Variants in UNC13C observed in about 807,000 individuals in gnomAD.
UNC13C encodes the protein protein unc-13 homolog C.
UNC13C carries 174 observed loss-of-function variants against 245.4 expected under a neutral mutation model. The observed-to-expected ratio is 0.71, with a 90% CI of 0.63 to 0.80. The LOEUF is 0.80. Among genes scored for constraint, UNC13C ranks in the 30% least tolerant of loss-of-function variants. The pLI is 0.00. For synonymous variants in UNC13C, 992 were observed against 895.1 expected (o/e 1.11, Z -1.93); for missense variants, 2,829 against 2,602.9 (o/e 1.09, Z -1.89).
intron 19 of UNC13C, among the ~76,000 whole-genome samples, chr15:54,418,955 C>T (rs779956423): frequency 6.6e-5 from 10 of 152,084 alleles, no homozygotes; most frequent in Admixed American, 4.6e-4. Context: ...CCTTCCAACC[C>T]GCACACTCCC....
chr15:54,376,499 A>T (rs2039610094), intron 17 of UNC13C, among the ~76,000 whole-genome samples: 1 of 152,216 alleles, frequency 6.6e-6, no homozygotes, highest in Non-Finnish European at 1.5e-5. Flanking sequence ...ATTTAAACTC[A>T]AATATGAGTA....
At chr15:53,933,638 A>G in the UNC13C span, among the ~76,000 whole-genome samples, 1 of 152,124 alleles carries the variant, frequency 6.6e-6, no homozygotes, top group South Asian at 2.1e-4. Context: ...GCATGCTGTA[A>G]TTTAGTCATT....
chr15:54,332,807 T>C (rs897608440), intron 15 of UNC13C, among the ~76,000 whole-genome samples: 1 of 152,070 alleles, frequency 6.6e-6, no homozygotes, highest in African/African-American at 2.4e-5. Flanking sequence ...ATCCTAAACA[T>C]CTTTTCTTAT....
At chr15:53,953,597 G>A in the UNC13C span, among the ~76,000 whole-genome samples, 2 of 152,238 alleles carry the variant, frequency 1.3e-5, no homozygotes. Flanking sequence ...ATTGGGGGCA[G>A]TTGCTTTGTG....
At position 54,499,389 on chromosome 15, in the gene UNC13C, G is replaced by A. The variant is rs150986282; in HGVS notation, c.5061-690G>A. 5.5e-4 allele frequency among the ~76,000 whole-genome samples: 83 copies of A among 152,216 alleles called. No individual in the cohort carries two copies. In the East Asian group the frequency reaches 0.01, roughly 19 times the overall value. ...AACATTGAGGACTACAGTTTGACAT[G>A]AGTTTTGGTGGGGACACAGATCCAA... On this transcript the variant is annotated intron_variant, in intron 20 of 32. Transcript: ENST00000260323.
rs1272116364 is a variant in UNC13C, at chr15:54,507,131, G to T, written c.5316G>T (p.Val1772=). 6.3e-7 allele frequency: 1 copy of T among 1,597,486 alleles called. No homozygotes were observed. The highest frequency in any genetic ancestry group is 2.2e-5 in the East Asian group (1 of 44,490). Residue 1772 remains valine (V), a synonymous_variant, in exon 23 of 33, where the codon GTG becomes GTT. Coordinates refer to ENST00000260323, the MANE Select transcript of UNC13C (RefSeq NM_001080534.3). ...TTCTTTCTTAGACTATCAATAAAGT[G>T]CTGCTCCAGTATGCTGCAATTGTAT... ...MRRFAKTINK[V]LLQYAAIVSS...
chr15:53,905,411 C>CACACACACACAA, the UNC13C span, among the ~76,000 whole-genome samples: 1 of 151,068 alleles, frequency 6.6e-6, no homozygotes, highest in Non-Finnish European at 1.5e-5. Context: ...CACACACACA[C>CACACACACACAA]ACACACACAC....
At chr15:54,224,555 G>C (rs2035320616) in intron 4 of UNC13C, among the ~76,000 whole-genome samples, 1 of 152,020 alleles carries the variant, frequency 6.6e-6, no homozygotes, top group Admixed American at 6.6e-5. Flanking sequence ...AAGGATATTT[G>C]CATCAAATTA....
chr15:54,114,618 A>AT (rs1013124836), intron 2 of UNC13C, among the ~76,000 whole-genome samples: 4 of 151,618 alleles, frequency 2.6e-5, no homozygotes, highest in African/African-American at 7.3e-5. Context: ...ACCACATCAT[A>AT]TTTTTTTTTG....
chr15:54,141,951 C>T (rs1271175142), intron 2 of UNC13C, among the ~76,000 whole-genome samples: 1 of 152,056 alleles, frequency 6.6e-6, no homozygotes, highest in Non-Finnish European at 1.5e-5. Flanking sequence ...GCTACATGAC[C>T]TTGGACAAAT....
At chr15:54,140,436 T>C (rs1214167174) in intron 2 of UNC13C, among the ~76,000 whole-genome samples, 1 of 152,090 alleles carries the variant, frequency 6.6e-6, no homozygotes, top group Non-Finnish European at 1.5e-5. Context: ...CAGACTACCA[T>C]CAAGGAGCTC....
chr15:54,556,797 A>C (rs1897110143), intron 29 of UNC13C, among the ~76,000 whole-genome samples: 1 of 152,020 alleles, frequency 6.6e-6, no homozygotes, highest in South Asian at 2.1e-4. Flanking sequence ...AAAAGAAAAA[A>C]ATTTGGCATC....
the UNC13C span, among the ~76,000 whole-genome samples, chr15:53,961,259 C>T: frequency 1.3e-5 from 2 of 152,252 alleles, no homozygotes; most frequent in South Asian, 4.1e-4. Flanking sequence ...GACCATGAAG[C>T]CCCTGAGCCT....
the UNC13C span, among the ~76,000 whole-genome samples, chr15:53,860,350 G>A: frequency 3.6e-4 from 55 of 152,226 alleles, no homozygotes; most frequent in African/African-American, 1.3e-3. Context: ...ATATTTTGAG[G>A]ATCCTCAGGG....
chr15:54,014,943 A>G lies in UNC13C; in HGVS notation c.2040A>G (p.Thr680=), dbSNP rs185653316. 1 of 1,613,890 alleles carries G rather than the reference A, an allele frequency of 6.2e-7. No individual in the cohort carries two copies. The highest frequency in any genetic ancestry group is 2.2e-5 in the East Asian group (1 of 44,882). ...CCCAGGAAGGTTTTGATTATGAAAC[A>G]AACAGTCTTTTTGACCAACAGCTTG... ...SSTQEGFDYE[T]NSLFDQQLDV... is the part of the protein sequence containing the mutation. The change falls in exon 2 of 33, where the codon ACA becomes ACG. Residue 680 remains threonine (T), a synonymous_variant. Coordinates refer to ENST00000260323, the MANE Select transcript of UNC13C (RefSeq NM_001080534.3).
intron 18 of UNC13C, among the ~76,000 whole-genome samples, chr15:54,407,088 A>G (rs1379376822): frequency 6.6e-6 from 1 of 152,224 alleles, no homozygotes; most frequent in African/African-American, 2.4e-5. Context: ...TGAAACTATT[A>G]TATGCTAATA....
At chr15:54,283,964 C>T (rs1036240131) in intron 10 of UNC13C, among the ~76,000 whole-genome samples, 3 of 152,130 alleles carry the variant, frequency 2.0e-5, no homozygotes, top group African/African-American at 4.8e-5. Flanking sequence ...GTAACTAATA[C>T]TGTGAATCAC....
At chr15:53,941,517 T>C in the UNC13C span, among the ~76,000 whole-genome samples, 20 of 152,216 alleles carry the variant, frequency 1.3e-4, no homozygotes, top group Non-Finnish European at 2.9e-4. Context: ...ACCTACATAA[T>C]GGGAGAAAAT....
the UNC13C span, among the ~76,000 whole-genome samples, chr15:53,873,972 C>G: frequency 1.5e-5 from 2 of 129,488 alleles, no homozygotes; most frequent in African/African-American, 5.8e-5. Flanking sequence ...TCCTTCCTTC[C>G]TGTCTTTCTT....
Sources: gnomAD v4.1 joint callset for allele counts (sites outside exome capture counted in the v4.1 genomes callset) on GRCh38, gnomAD v4.1.1 for gene constraint, MANE v1.5 for transcripts, NCBI Gene and HGNC (gene_info 2026-07-23, HGNC 2026-07-21) for gene names.